Variants in CUBN observed in about 807,000 individuals in gnomAD.
The protein encoded by CUBN is cubilin, also known as 460 kDa receptor.
A neutral mutation model predicts 405.3 loss-of-function variants in CUBN; 282 were observed. The observed-to-expected ratio is 0.70, with a 90% CI of 0.63 to 0.77. The LOEUF is 0.77. Among genes scored for constraint, CUBN ranks in the 30% least tolerant of loss-of-function variants. CUBN has a pLI of 0.00. For synonymous variants in CUBN, 1,684 were observed against 1,617.0 expected (o/e 1.04, Z -0.99); for missense variants, 4,514 against 4,475.2 (o/e 1.01, Z -0.25).
intron 31 of CUBN, among the ~76,000 whole-genome samples, chr10:16,957,944 C>T (rs771773066): frequency 1.3e-5 from 2 of 150,744 alleles, no homozygotes; most frequent in African/African-American, 2.4e-5. Flanking sequence ...TCCATGGACT[C>T]ACAAAATAAG....
At chr10:17,011,659 C>T (rs1834190997) in intron 28 of CUBN, among the ~76,000 whole-genome samples, 1 of 152,128 alleles carries the variant, frequency 6.6e-6, no homozygotes, top group Admixed American at 6.5e-5. Context: ...CTGCCCACGT[C>T]CTGCTGATTG....
rs192456692 is a variant in CUBN at position 16,993,611 on chromosome 10, T to C, written c.4169-3096A>G. 9.2e-5 allele frequency among the ~76,000 whole-genome samples: 14 copies of C among 152,240 alleles called. No individual in the cohort carries two copies. The East Asian group carries it at 1.9e-3, about 21-fold the overall frequency. On this transcript the variant is annotated intron_variant, in intron 28 of 66. Coordinates refer to ENST00000377833, the MANE Select transcript of CUBN (RefSeq NM_001081.4). ...AAGAGCAAAATTTTACTTTTAAGTA[T>C]ATCTTGTTAATAGCACATATATGTA... is the stretch of plus-strand genomic sequence containing the variant.
At chr10:16,832,524 T>C (rs1289702893) in intron 64 of CUBN, among the ~76,000 whole-genome samples, 2 of 152,162 alleles carry the variant, frequency 1.3e-5, no homozygotes, top group Admixed American at 1.3e-4. Flanking sequence ...TAGCCAGTCA[T>C]CCACTAGTAG....
In CUBN at chr10:17,045,322, G is replaced by A. The variant is rs969325072; in HGVS notation, c.3491-134C>T. 1.2e-5 allele frequency: 10 copies of A among 848,244 alleles called. No homozygotes were observed. The Admixed American group carries it at 2.1e-4, about 18-fold the overall frequency. The allele number at this position is 848,244 out of a possible 1,614,324, so 52.5% of individuals were successfully genotyped here. On this transcript the variant is annotated intron_variant, in intron 24 of 66. Coordinates refer to ENST00000377833, the MANE Select transcript of CUBN (RefSeq NM_001081.4). ...CACAGCAAAATGGCATCATGAAAGA[G>A]TAGTTATAGCCTAAAAATCCAATTT... is the stretch of plus-strand genomic sequence containing the variant.
Position 16,894,615 on chromosome 10 carries a change from T to G in CUBN, c.8599-4088A>C, listed in dbSNP as rs549474456. On this transcript the variant is annotated intron_variant, in intron 54 of 66. Coordinates refer to ENST00000377833, the MANE Select transcript of CUBN (RefSeq NM_001081.4). ...TGTAACTTAGATAAGTAAGCCTAGG[T>G]AAATAGTAAGGTAGAATTCTTCCTC... 2.7e-4 allele frequency among the ~76,000 whole-genome samples: 41 copies of G among 152,318 alleles called. 1 individual carries two copies. In the South Asian group the frequency reaches 7.2e-3, roughly 27 times the overall value.
At chr10:17,129,276 A>G in intron 1 of CUBN, 26 bp from the exon 2 acceptor site, 2 of 1,610,968 alleles carry the variant, frequency 1.2e-6, no homozygotes, top group Non-Finnish European at 1.7e-6. Context: ...GAGAGAATGC[A>G]TCAGTAATTA....
intron 66 of CUBN, among the ~76,000 whole-genome samples, chr10:16,828,589 G>A (rs1384368572): frequency 6.6e-6 from 1 of 152,022 alleles, no homozygotes; most frequent in East Asian, 1.9e-4. Context: ...GTGGTGGCAG[G>A]CACCTGTAAT....
At chr10:17,068,509 C>A in intron 20 of CUBN, 96 bp downstream of exon 20, 1 of 1,163,050 alleles carries the variant, frequency 8.6e-7, no homozygotes, top group Non-Finnish European at 1.3e-6. Context: ...TAAAATTTTT[C>A]ACAGTACAGA....
At chr10:17,000,939 G>T (rs45465994) in intron 28 of CUBN, among the ~76,000 whole-genome samples, 1 of 152,082 alleles carries the variant, frequency 6.6e-6, no homozygotes, top group Non-Finnish European at 1.5e-5. Context: ...ATGAAGCCAC[G>T]GACCTGAACA....
At chr10:16,853,430 G>A (rs958858233) in intron 59 of CUBN, among the ~76,000 whole-genome samples, 1 of 152,132 alleles carries the variant, frequency 6.6e-6, no homozygotes, top group African/African-American at 2.4e-5. Context: ...TTTTGTACTT[G>A]GACCTTGGCA....
intron 36 of CUBN, among the ~76,000 whole-genome samples, chr10:16,941,669 C>T (rs561848701): frequency 1.4e-5 from 2 of 147,870 alleles, no homozygotes; most frequent in African/African-American, 5.3e-5. Context: ...CACAGTGAAA[C>T]CCCCTCTCTA....
At chr10:16,831,781 CG>C (rs1839004510) in intron 64 of CUBN, among the ~76,000 whole-genome samples, 1 of 152,050 alleles carries the variant, frequency 6.6e-6, no homozygotes, top group African/African-American at 2.4e-5. Flanking sequence ...TGGAGATGGG[CG>C]GGGGCAATGT....
chr10:17,074,538 A>G (rs1342779928), intron 17 of CUBN, among the ~76,000 whole-genome samples: 1 of 152,182 alleles, frequency 6.6e-6, no homozygotes, highest in Admixed American at 6.5e-5. Flanking sequence ...AGTTTTGTGC[A>G]ATTTTAATGC....
At chr10:16,978,614 G>A (rs1322722951) in intron 31 of CUBN, among the ~76,000 whole-genome samples, 2 of 152,180 alleles carry the variant, frequency 1.3e-5, no homozygotes, top group African/African-American at 2.4e-5. Flanking sequence ...GTTTTCTTGG[G>A]TTAAATTTGA....
At chr10:17,108,921 G>A (rs1338592757) in intron 10 of CUBN, among the ~76,000 whole-genome samples, 1 of 152,126 alleles carries the variant, frequency 6.6e-6, no homozygotes, top group African/African-American at 2.4e-5. Flanking sequence ...CAAGTAGAAA[G>A]ATGCCCAGTG....
intron 55 of CUBN, 69 bp from the exon 56 acceptor site, chr10:16,888,635 AG>A: frequency 1.4e-6 from 2 of 1,420,442 alleles, no homozygotes; most frequent in Non-Finnish European, 9.9e-7. Flanking sequence ...CATGAAGGAA[AG>A]AGGCATTTTC....
chr10:17,044,467 C>G (rs77149111), intron 25 of CUBN, among the ~76,000 whole-genome samples: 8 of 151,978 alleles, frequency 5.3e-5, no homozygotes, highest in African/African-American at 1.7e-4. Flanking sequence ...TGAGCTTACA[C>G]TGAAGGCTGA....
intron 27 of CUBN, among the ~76,000 whole-genome samples, chr10:17,025,826 C>CT (rs1427520959): frequency 2.0e-5 from 3 of 152,042 alleles, no homozygotes; most frequent in Non-Finnish European, 4.4e-5. Flanking sequence ...TCCCGGACAG[C>CT]CATGCAGAAA....
intron 22 of CUBN, among the ~76,000 whole-genome samples, chr10:17,048,166 G>T (rs1835182498): frequency 6.6e-6 from 1 of 152,204 alleles, no homozygotes; most frequent in African/African-American, 2.4e-5. Context: ...CGCAAATGAA[G>T]AGGATTGCTA....
Sources: allele counts gnomAD v4.1 joint callset (sites outside exome capture counted in the v4.1 genomes callset), GRCh38; gene constraint gnomAD v4.1.1; transcripts MANE v1.5; gene names NCBI Gene and HGNC (gene_info 2026-07-23, HGNC 2026-07-21).